SYT1: variants seen among roughly 807,000 people sequenced by gnomAD.
SYT1 encodes synaptotagmin-1.
In SYT1, 8 loss-of-function variants were observed where a neutral mutation model predicts 44.8. That is an observed-to-expected ratio of 0.18 (90% CI 0.10 to 0.32). The LOEUF is 0.32. Among genes scored for constraint, SYT1 ranks in the 10% least tolerant of loss-of-function variants. SYT1 has a pLI of 1.00. For missense variants in SYT1, 286 were observed against 509.3 expected (o/e 0.56, Z 4.22); for synonymous variants, 154 against 188.8 (o/e 0.82, Z 1.51).
At chr12:78,879,204 T>G (rs1332631129) in intron 1 of SYT1, among the ~76,000 whole-genome samples, 3 of 151,734 alleles carry the variant, frequency 2.0e-5, no homozygotes, top group Non-Finnish European at 4.4e-5. Context: ...GAAACAGCAA[T>G]GGCTTTATAT....
chr12:78,903,702 CAT>C (rs1011946850), intron 1 of SYT1, among the ~76,000 whole-genome samples: 1 of 152,012 alleles, frequency 6.6e-6, no homozygotes, highest in African/African-American at 2.4e-5. Context: ...AAGAGATACA[CAT>C]ATATTAATTT....
chr12:79,330,595 C>T (rs1881811370), intron 8 of SYT1, among the ~76,000 whole-genome samples: 2 of 152,154 alleles, frequency 1.3e-5, no homozygotes, highest in South Asian at 4.2e-4. Flanking sequence ...TATTTCAGGG[C>T]TGTGAAGATA....
At chr12:79,120,054 C>A (rs1408095054) in intron 3 of SYT1, among the ~76,000 whole-genome samples, 1 of 152,084 alleles carries the variant, frequency 6.6e-6, no homozygotes, top group Non-Finnish European at 1.5e-5. Flanking sequence ...CTCCCAGAAG[C>A]AAGGAATTCA....
intron 1 of SYT1, among the ~76,000 whole-genome samples, chr12:78,956,754 A>G (rs776793843): frequency 6.6e-6 from 1 of 152,108 alleles, no homozygotes; most frequent in Non-Finnish European, 1.5e-5. Context: ...AAAAATATAA[A>G]CTTTATTTCT....
In SYT1 at chr12:79,063,244, T is replaced by C. The variant is rs373405849; in HGVS notation, c.-18+15882T>C. Among the ~76,000 whole-genome samples the C allele has an allele frequency of 3.9e-5, 6 of 152,316 alleles. No homozygotes were observed. The South Asian group carries it at 1.2e-3, about 32-fold the overall frequency. On this transcript the variant is annotated intron_variant, in intron 3 of 10. Transcript: ENST00000261205. ...AGCATCATTTGCAAAAATGTCTTCTTTTCTACCATTACTAGTTTATGCTTC... is the reference window on the plus strand; with the variant it reads ...AGCATCATTTGCAAAAATGTCTTCTCTTCTACCATTACTAGTTTATGCTTC...
chr12:79,101,305 A>G (rs1207171416), intron 3 of SYT1, among the ~76,000 whole-genome samples: 1 of 152,208 alleles, frequency 6.6e-6, no homozygotes, highest in Non-Finnish European at 1.5e-5. Flanking sequence ...AAAAAGGAAC[A>G]AATTTCTGAC....
chr12:79,273,403 C>T (rs148332643), intron 4 of SYT1, among the ~76,000 whole-genome samples: 1 of 152,182 alleles, frequency 6.6e-6, no homozygotes, highest in East Asian at 1.9e-4. Flanking sequence ...AGCCACCATG[C>T]CTGGCCACAC....
At chr12:79,117,872 C>T (rs1879388909) in intron 3 of SYT1, among the ~76,000 whole-genome samples, 1 of 150,996 alleles carries the variant, frequency 6.6e-6, no homozygotes, top group Non-Finnish European at 1.5e-5. Flanking sequence ...TAGGGTAACA[C>T]CTTAAAACTC....
chr12:79,026,667 T>TTTATATATATATATA (rs1298013189), intron 2 of SYT1, among the ~76,000 whole-genome samples: 56 of 102,248 alleles, frequency 5.5e-4, no homozygotes, highest in South Asian at 1.0e-3. Flanking sequence ...CATATATATT[T>TTTATATATATATATA]TATATATATA....
intron 3 of SYT1, among the ~76,000 whole-genome samples, chr12:79,080,775 C>T (rs568503145): frequency 1.1e-3 from 165 of 152,230 alleles, no homozygotes; most frequent in African/African-American, 3.7e-3. Context: ...TAACAGCTCC[C>T]GAGAGGCTGC....
At chr12:79,121,838 C>G (rs551763598) in intron 3 of SYT1, among the ~76,000 whole-genome samples, 1 of 152,316 alleles carries the variant, frequency 6.6e-6, no homozygotes, top group African/African-American at 2.4e-5. Flanking sequence ...TATCAAGAAC[C>G]TGTCAATGTA....
At chr12:79,066,227 A>T (rs1352586833) in intron 3 of SYT1, among the ~76,000 whole-genome samples, 1 of 152,164 alleles carries the variant, frequency 6.6e-6, no homozygotes, top group Non-Finnish European at 1.5e-5. Flanking sequence ...AGCAAAGAAT[A>T]CATTTTACCA....
At chr12:79,045,682 C>G (rs534352545) in intron 2 of SYT1, 52 of 152,074 alleles carry the variant, frequency 3.4e-4, no homozygotes, top group African/African-American at 1.2e-3. Context: ...TTGTTTGTCC[C>G]CTACAGTAGA....
chr12:78,954,501 C>T (rs961487279), intron 1 of SYT1, among the ~76,000 whole-genome samples: 19 of 151,528 alleles, frequency 1.3e-4, no homozygotes, highest in African/African-American at 4.6e-4. Flanking sequence ...TGTAGCTTTT[C>T]TTATAATAAA....
intron 1 of SYT1, among the ~76,000 whole-genome samples, chr12:78,891,339 G>A (rs1018677929): frequency 2.0e-5 from 3 of 151,876 alleles, no homozygotes; most frequent in African/African-American, 7.2e-5. Flanking sequence ...TTTAGAGAAA[G>A]TCATCGATTT....
chr12:78,951,080 C>T (rs757707386), intron 1 of SYT1, among the ~76,000 whole-genome samples: 8 of 152,072 alleles, frequency 5.3e-5, no homozygotes, highest in South Asian at 2.1e-4. Flanking sequence ...CATAAATGAA[C>T]GTATGTATTC....
intron 10 of SYT1, among the ~76,000 whole-genome samples, 199 bp downstream of exon 10, chr12:79,444,405 A>G (rs952156879): frequency 6.6e-6 from 1 of 152,194 alleles, no homozygotes; most frequent in Non-Finnish European, 1.5e-5. Context: ...TCATCAGCCC[A>G]AAACAGCTGG....
chr12:78,997,539 T>C (rs1870458673), intron 2 of SYT1, among the ~76,000 whole-genome samples: 1 of 152,172 alleles, frequency 6.6e-6, no homozygotes, highest in African/African-American at 2.4e-5. Context: ...CTTGAGTTTC[T>C]TTTCTCTTGA....
chr12:79,164,337 T>A (rs1364685365), intron 3 of SYT1, among the ~76,000 whole-genome samples: 1 of 152,098 alleles, frequency 6.6e-6, no homozygotes, highest in Non-Finnish European at 1.5e-5. Context: ...TATTAATTCA[T>A]CTAAACTAGA....
Sources: allele counts gnomAD v4.1 joint callset (sites outside exome capture counted in the v4.1 genomes callset), GRCh38; gene constraint gnomAD v4.1.1; transcripts MANE v1.5; gene names NCBI Gene and HGNC (gene_info 2026-07-23, HGNC 2026-07-21).